Variants in RBFOX3 observed in about 807,000 individuals in gnomAD.
The protein encoded by RBFOX3 is RNA binding protein fox-1 homolog 3.
A neutral mutation model predicts 48.7 loss-of-function variants in RBFOX3; 17 were observed. The observed-to-expected ratio is 0.35, with a 90% CI of 0.24 to 0.52. The LOEUF (loss-of-function observed/expected upper bound fraction) is 0.52, where lower values mean the gene tolerates loss of function less well. Among genes scored for constraint, RBFOX3 ranks in the 20% least tolerant of loss-of-function variants. RBFOX3 has a pLI of 0.94. For missense variants in RBFOX3, 382 were observed against 497.5 expected, an observed-to-expected ratio of 0.77 and a Z score of 2.21; for synonymous variants, 212 against 209.5, an observed-to-expected ratio of 1.01 and a Z score of -0.10.
rs2057389479 is a variant in RBFOX3, at chr17:79,205,733, T to C, written c.-34+30033A>G. ...CCTCCAATTATTCACAGCAGTGTTG[T>C]ATTTACTGGAATAGCTCGACAGAGC... On this transcript the variant is annotated intron_variant, in intron 4 of 14. Transcript: ENST00000693108. The surrounding 1 kb of genome is among the most constrained non-coding windows in gnomAD (Gnocchi z 4.5). Among the ~76,000 whole-genome samples, 1 of 152,158 alleles carries C rather than the reference T, an allele frequency of 6.6e-6. No homozygotes were observed. The highest frequency in any genetic ancestry group is 3.2e-3 in the Middle Eastern group (1 of 316).
Position 79,154,593 on chromosome 17 carries a change from GCTGGCTGC to G in RBFOX3, c.-33-38853_-33-38846del, listed in dbSNP as rs547481656. Among the ~76,000 whole-genome samples the G allele has an allele frequency of 8.5e-5, 13 of 152,354 alleles. No homozygotes were observed. The East Asian group carries it at 2.3e-3, about 27-fold the overall frequency. ...AGGGCAGACAGAATGAAGGACGCTG[GCTGGCTGC>G]CCAGCCGGGCATGAGCCAGGACGAG... On this transcript the variant is annotated intron_variant, in intron 4 of 14. Transcript: ENST00000693108.
intron 2 of RBFOX3, among the ~76,000 whole-genome samples, chr17:79,439,860 C>T (rs782064895): frequency 1.9e-4 from 29 of 152,262 alleles, no homozygotes; most frequent in South Asian, 2.1e-4. Context: ...GCTGACCCAA[C>T]TCTACTCTCT....
At chr17:79,175,004 C>G (rs2050228980) in intron 4 of RBFOX3, among the ~76,000 whole-genome samples, 1 of 152,216 alleles carries the variant, frequency 6.6e-6, no homozygotes, top group African/African-American at 2.4e-5. Context: ...TCCGAGGCCC[C>G]CGTGCCAACC....
At chr17:79,158,974 C>A (rs1194785866) in intron 4 of RBFOX3, among the ~76,000 whole-genome samples, 1 of 152,184 alleles carries the variant, frequency 6.6e-6, no homozygotes, top group East Asian at 1.9e-4. Context: ...GCTTGAGCAC[C>A]TGCTGTATAC....
rs1313094117 is a variant in RBFOX3 at position 79,479,946 on chromosome 17, T to C, written c.-175+2508A>G. ...AGACAGAGCATGATCTCAGGGGGTC[T>C]CTCGTCCTGCACTGAGGCCAGCCCC... On this transcript the variant is annotated intron_variant, in intron 2 of 14. Transcript: ENST00000693108. This position sits in a 1 kb window ranked among gnomAD's most constrained non-coding sequence, Gnocchi z 5.1. Among the ~76,000 whole-genome samples the C allele has an allele frequency of 6.6e-6, 1 of 152,148 alleles. No individual in the cohort carries two copies. The highest frequency in any genetic ancestry group is 1.5e-5 in the Non-Finnish European group (1 of 68,024).
chr17:79,109,288 T>A (rs983015742), intron 5 of RBFOX3, among the ~76,000 whole-genome samples: 2 of 152,138 alleles, frequency 1.3e-5, no homozygotes, highest in Non-Finnish European at 2.9e-5. Flanking sequence ...CACGGAGGCA[T>A]CTGTGGTGGG....
intron 4 of RBFOX3, among the ~76,000 whole-genome samples, chr17:79,211,321 C>T (rs1276121054): frequency 2.6e-5 from 4 of 152,224 alleles, no homozygotes; most frequent in African/African-American, 7.2e-5. Flanking sequence ...CTGCCAACGC[C>T]AGCCTCCGCC....
At chr17:79,565,748 C>T (rs1431039597) in intron 1 of RBFOX3, among the ~76,000 whole-genome samples, 3 of 152,108 alleles carry the variant, frequency 2.0e-5, no homozygotes, top group African/African-American at 7.2e-5. Flanking sequence ...CCTGGCAGTG[C>T]CCTATCTGAG....
At chr17:79,130,976 C>T (rs1254262729) in intron 4 of RBFOX3, among the ~76,000 whole-genome samples, 5 of 152,364 alleles carry the variant, frequency 3.3e-5, no homozygotes, top group African/African-American at 9.6e-5. Context: ...GCGTGCCCTG[C>T]GTGTGCCCCA....
At chr17:79,135,516 C>T (rs2143681542) in intron 4 of RBFOX3, among the ~76,000 whole-genome samples, 1 of 152,290 alleles carries the variant, frequency 6.6e-6, no homozygotes, top group East Asian at 1.9e-4. Context: ...AGAGCAAAAG[C>T]AGGGCTTCCA....
At chr17:79,200,609 G>C (rs2056601367) in intron 4 of RBFOX3, among the ~76,000 whole-genome samples, 1 of 152,184 alleles carries the variant, frequency 6.6e-6, no homozygotes, top group Non-Finnish European at 1.5e-5. Context: ...GGAGGGCCTT[G>C]GTGGGTTGGG....
In RBFOX3 at chr17:79,389,670, A is replaced by G. The variant is rs980307171; in HGVS notation, c.-174-81846T>C. On this transcript the variant is annotated intron_variant, in intron 2 of 14. Coordinates refer to ENST00000693108, the MANE Select transcript of RBFOX3 (RefSeq NM_001350451.2). ...GTTTCCAGACTGCCTGACTCCAGAGATCTGGGGTGGGACAGACGACATGCC... is the reference window on the plus strand; with the variant it reads ...GTTTCCAGACTGCCTGACTCCAGAGGTCTGGGGTGGGACAGACGACATGCC... 2.6e-5 allele frequency among the ~76,000 whole-genome samples: 4 copies of G among 152,156 alleles called. No individual in the cohort carries two copies. In the South Asian group the frequency reaches 8.3e-4, roughly 32 times the overall value.
chr17:79,128,804 C>T (rs1340543764), intron 4 of RBFOX3, among the ~76,000 whole-genome samples: 1 of 152,212 alleles, frequency 6.6e-6, no homozygotes, highest in Non-Finnish European at 1.5e-5. Flanking sequence ...ATCAGGAGCT[C>T]TTCGGGAGTC....
At chr17:79,272,144 C>T (rs1600336558) in intron 3 of RBFOX3, among the ~76,000 whole-genome samples, 1 of 152,148 alleles carries the variant, frequency 6.6e-6, no homozygotes, top group Non-Finnish European at 1.5e-5. Context: ...TGTGGGGCTC[C>T]CTGCTGGAGA....
In RBFOX3 at chr17:79,242,058, T is replaced by C. The variant is rs1194642608; in HGVS notation, c.-73-6253A>G. The stretch of plus-strand genomic sequence containing the variant: ...ATTCTTTGCTTTCTTTCCTTCCATG[T>C]TTTCCTAAATGTGCAGTGACGGTGC... On this transcript the variant is annotated intron_variant, in intron 3 of 14. Transcript: ENST00000693108. The surrounding 1 kb of genome is among the most constrained non-coding windows in gnomAD (Gnocchi z 5.8). Among the ~76,000 whole-genome samples, 1 of 152,224 alleles carries C rather than the reference T, an allele frequency of 6.6e-6. No individual in the cohort carries two copies. The highest frequency in any genetic ancestry group is 1.5e-5 in the Non-Finnish European group (1 of 68,042).
At chr17:79,247,096 G>A (rs57088219) in intron 3 of RBFOX3, among the ~76,000 whole-genome samples, 19,103 of 152,038 alleles carry the variant, frequency 0.13, 1,290 homozygotes, top group East Asian at 0.2. Flanking sequence ...TCAGAAATCC[G>A]TCTCCATCAA....
chr17:79,345,729 T>C (rs1323832128), intron 2 of RBFOX3, among the ~76,000 whole-genome samples: 1 of 152,224 alleles, frequency 6.6e-6, no homozygotes, highest in East Asian at 1.9e-4. Flanking sequence ...TTGTCAGTTG[T>C]GTGTATTGCC....
intron 2 of RBFOX3, among the ~76,000 whole-genome samples, chr17:79,428,390 C>T (rs898737231): frequency 1.3e-5 from 2 of 152,220 alleles, no homozygotes; most frequent in Non-Finnish European, 2.9e-5. Flanking sequence ...GCCCAGCCTT[C>T]GCATCCAGGA....
intron 2 of RBFOX3, among the ~76,000 whole-genome samples, chr17:79,335,654 G>C (rs1216635277): frequency 6.6e-6 from 1 of 152,170 alleles, no homozygotes. Flanking sequence ...TTCTGCCCTG[G>C]TTTTCCTCCA....
Sources: gnomAD v4.1 joint callset for allele counts (sites outside exome capture counted in the v4.1 genomes callset) on GRCh38, gnomAD v4.1.1 for gene constraint, Gnocchi (gnomAD v3.1) non-coding constraint, MANE v1.5 for transcripts, NCBI Gene and HGNC (gene_info 2026-07-23, HGNC 2026-07-21) for gene names.